Variants in RPS20 observed in about 807,000 individuals in gnomAD.
RPS20 encodes ribosomal protein S20.
RPS20 carries 3 observed loss-of-function variants against 15.3 expected under a neutral mutation model. That is an observed-to-expected ratio of 0.20 (90% CI 0.09 to 0.51). RPS20 has a LOEUF of 0.51. Among genes scored for constraint, RPS20 ranks in the 20% least tolerant of loss-of-function variants. RPS20 has a pLI of 0.96. For synonymous variants in RPS20, 62 were observed against 47.8 expected, an observed-to-expected ratio of 1.30 and a Z score of -1.23; for missense variants, 67 against 145.9, an observed-to-expected ratio of 0.46 and a Z score of 2.79.
chr8:56,068,641 C>T (rs1690300067), downstream of RPS20: 1 of 149,162 alleles, frequency 6.7e-6, no homozygotes, highest in African/African-American at 2.5e-5. Context: ...AGAAGAGAGA[C>T]AAATGGAGGG....
At chr8:56,068,196 AAGG>A (rs1368397365), downstream of RPS20, 1 of 152,232 alleles carries the variant, frequency 6.6e-6, no homozygotes, top group African/African-American at 2.4e-5. Flanking sequence ...TTCCATCATA[AAGG>A]AGTTTTTAAA....
chr8:56,071,251 A>T (rs148270577), downstream of RPS20, among the ~76,000 whole-genome samples: 2 of 152,034 alleles, frequency 1.3e-5, no homozygotes, highest in African/African-American at 4.8e-5. Flanking sequence ...CTTTAGTGAC[A>T]TTTTTTTCAG....
At position 56,074,171 on chromosome 8, in the gene RPS20, T is replaced by A; in HGVS notation, c.4-12A>T. ...GTATCCTTAAAAGCCTATTATTAGA[T>A]ACATGAAAAAGAACAATAAGCCAAA... On this transcript the variant is annotated splice_polypyrimidine_tract_variant and intron_variant, in intron 1 of 3. Coordinates refer to ENST00000009589, the MANE Select transcript of RPS20 (RefSeq NM_001023.4). The A allele has an allele frequency of 6.2e-7, 1 of 1,605,536 alleles. No individual in the cohort carries two copies. The highest frequency in any genetic ancestry group is 1.1e-5 in the South Asian group (1 of 91,008).
intron 3 of RPS20, 63 bp downstream of exon 3, chr8:56,073,632 G>T: frequency 2.1e-6 from 3 of 1,403,504 alleles, no homozygotes; most frequent in South Asian, 2.3e-5. Context: ...ACTCCTTAAA[G>T]AACCTGAATT....
downstream of RPS20, chr8:56,068,679 TTGTATACCAGATATA>T (rs1809673375): frequency 6.6e-6 from 1 of 151,836 alleles, no homozygotes; most frequent in African/African-American, 2.4e-5. Context: ...GCGATTTTTT[TTGTATACCAGATATA>T]TGATATTGTA....
intron 3 of RPS20, 97 bp downstream of exon 3, chr8:56,073,598 A>G (rs1260910148): frequency 5.4e-5 from 50 of 928,228 alleles, no homozygotes; most frequent in Non-Finnish European, 8.3e-5. Flanking sequence ...AGACAGCATC[A>G]GTGTTAACAA....
At chr8:56,073,948 A>G (rs1377122704) in intron 2 of RPS20, 112 bp downstream of exon 2, 1 of 1,147,040 alleles carries the variant, frequency 8.7e-7, no homozygotes, top group South Asian at 1.2e-5. Flanking sequence ...TACTTTTTTA[A>G]GTAACTTGTC....
At chr8:56,069,770 C>T, downstream of RPS20, 2 of 1,551,576 alleles carry the variant, frequency 1.3e-6, no homozygotes, top group Non-Finnish European at 8.7e-7. Flanking sequence ...GATTCGAATA[C>T]ACTTCTCAAA....
At chr8:56,072,143 A>C (rs1809779746), downstream of RPS20, among the ~76,000 whole-genome samples, 1 of 151,948 alleles carries the variant, frequency 6.6e-6, no homozygotes, top group Non-Finnish European at 1.5e-5. Flanking sequence ...AGGCAGTTTG[A>C]GGTGGATTGC....
exon 6 of RPS20, chr8:56,067,454 G>A (rs1004487949): frequency 1.3e-5 from 2 of 152,172 alleles, no homozygotes; most frequent in South Asian, 2.1e-4. Context: ...GGGAGGCCGA[G>A]ACGAGCGAAT....
Position 56,074,488 on chromosome 8 carries a change from C to G in RPS20, c.-105G>C, listed in dbSNP as rs758585331. ...GACCAAAAATCCTCAGCCCTTACGA[C>G]CGCGTCTTCCTCAAAAAGAAAGGGG... On this transcript the variant is annotated 5_prime_UTR_variant, in exon 1 of 4. Transcript: ENST00000009589. The G allele has an allele frequency of 2.4e-6, 3 of 1,269,610 alleles. No homozygotes were observed. Among genetic ancestry groups the G allele is most frequent in the Non-Finnish European group, 3.3e-6 (3 of 920,336 alleles). The allele number at this position is 1,269,610 out of a possible 1,614,324, so 78.6% of individuals were successfully genotyped here.
At chr8:56,068,074 G>A (rs541812254), downstream of RPS20, 15 of 152,054 alleles carry the variant, frequency 9.9e-5, no homozygotes, top group African/African-American at 3.6e-4. Context: ...AAGGCTGGTT[G>A]GGGAAGTTGT....
downstream of RPS20, chr8:56,069,619 A>G (rs2129212297): frequency 1.0e-6 from 1 of 982,670 alleles, no homozygotes; most frequent in Admixed American, 2.1e-5. Context: ...TTACTTTCAA[A>G]AGATAAAATT....
chr8:56,073,657 A>G (rs1211579665), intron 3 of RPS20, 38 bp downstream of exon 3: 1 of 1,552,170 alleles, frequency 6.4e-7, no homozygotes, highest in Non-Finnish European at 8.9e-7. Context: ...CAACATCCGG[A>G]AGCAACTCCT....
chr8:56,073,798 A>T, intron 2 of RPS20, 30 bp from the exon 3 acceptor site: 1 of 1,601,692 alleles, frequency 6.2e-7, no homozygotes, highest in Non-Finnish European at 8.6e-7. Flanking sequence ...TCTCAGTATA[A>T]TCGAAACAAT....
intron 2 of RPS20, 88 bp from the exon 3 acceptor site, chr8:56,073,856 A>G: frequency 1.5e-6 from 2 of 1,292,012 alleles, no homozygotes; most frequent in Non-Finnish European, 2.3e-6. Context: ...AATAGCGTAT[A>G]AAATTATCAC....
chr8:56,069,567 G>C (rs1809698169), downstream of RPS20: 3 of 645,302 alleles, frequency 4.6e-6, no homozygotes, highest in Non-Finnish European at 8.1e-6. Context: ...CCAAAGTGCT[G>C]AGATTACAGG....
intron 3 of RPS20, 147 bp downstream of exon 3, chr8:56,073,548 T>C (rs1809831168): frequency 2.8e-6 from 2 of 720,792 alleles, no homozygotes; most frequent in Non-Finnish European, 5.0e-6. Context: ...AGCTACTTAC[T>C]AGGAACCGCA....
downstream of RPS20, chr8:56,069,564 G>C (rs1443414735): frequency 3.1e-6 from 2 of 637,650 alleles, no homozygotes; most frequent in Admixed American, 2.6e-5. Context: ...CTCCCAAAGT[G>C]CTGAGATTAC....
Sources: gnomAD v4.1 joint callset for allele counts (sites outside exome capture counted in the v4.1 genomes callset) on GRCh38, gnomAD v4.1.1 for gene constraint, MANE v1.5 for transcripts, NCBI Gene and HGNC (gene_info 2026-07-23, HGNC 2026-07-21) for gene names.